HACD2: variants seen among roughly 807,000 people sequenced by gnomAD.
HACD2 encodes the protein 3-hydroxyacyl-CoA dehydratase 2.
HACD2 carries 15 observed loss-of-function variants against 31.0 expected under a neutral mutation model. The ratio of observed to expected loss-of-function variants is 0.48; its 90% confidence interval spans 0.32 to 0.75. The LOEUF (loss-of-function observed/expected upper bound fraction) is 0.75. Among genes scored for constraint, HACD2 ranks in the 30% least tolerant of loss-of-function variants. HACD2 has a pLI of 0.03. For synonymous variants in HACD2, 115 were observed against 122.2 expected (o/e 0.94, Z 0.39); for missense variants, 283 against 313.0 (o/e 0.90, Z 0.72).
intron 3 of HACD2, among the ~76,000 whole-genome samples, chr3:123,551,512 C>T (rs2056620198): frequency 6.6e-6 from 1 of 151,986 alleles, no homozygotes; most frequent in African/African-American, 2.4e-5. Context: ...GTAATCCCAG[C>T]TACTCGGGAG....
chr3:123,569,988 CAAAAAAAAAAAAAAAAAAAAA>C (rs55844728), intron 2 of HACD2, among the ~76,000 whole-genome samples: 55 of 38,708 alleles, frequency 1.4e-3, no homozygotes, highest in East Asian at 6.7e-3. Flanking sequence ...CACTCCATCT[CAAAAAAAAAAAAAAAAAAAAA>C]AAAAAAAAAA....
intron 3 of HACD2, among the ~76,000 whole-genome samples, chr3:123,533,004 A>G (rs2056383083): frequency 6.6e-6 from 1 of 152,192 alleles, no homozygotes; most frequent in Non-Finnish European, 1.5e-5. Flanking sequence ...CTTTCCAATA[A>G]TAAGAATTAT....
At chr3:123,542,727 T>C (rs1297129803) in intron 3 of HACD2, among the ~76,000 whole-genome samples, 4 of 152,250 alleles carry the variant, frequency 2.6e-5, no homozygotes, top group African/African-American at 9.6e-5. Context: ...TCAGGTATTT[T>C]GTAGTAATTT....
intron 3 of HACD2, among the ~76,000 whole-genome samples, chr3:123,535,210 T>C (rs908575666): frequency 2.0e-5 from 3 of 152,182 alleles, no homozygotes; most frequent in African/African-American, 4.8e-5. Context: ...TACCATACTT[T>C]TACTGTGCGT....
At chr3:123,569,627 G>T (rs936595136) in intron 2 of HACD2, among the ~76,000 whole-genome samples, 42 of 152,232 alleles carry the variant, frequency 2.8e-4, no homozygotes, top group African/African-American at 9.9e-4. Flanking sequence ...CTCCTAAAGT[G>T]CTGGGATTAC....
intron 2 of HACD2, among the ~76,000 whole-genome samples, 156 bp from the exon 3 acceptor site, chr3:123,567,936 A>G (rs2056810173): frequency 6.6e-6 from 1 of 152,224 alleles, no homozygotes; most frequent in East Asian, 1.9e-4. Flanking sequence ...CTTGGCTACA[A>G]GCTGTTTAAC....
At chr3:123,535,716 A>G (rs937195001) in intron 3 of HACD2, among the ~76,000 whole-genome samples, 1 of 152,222 alleles carries the variant, frequency 6.6e-6, no homozygotes, top group Non-Finnish European at 1.5e-5. Flanking sequence ...ATCCATGCTG[A>G]GCCTTCCAGG....
At chr3:123,527,294 C>T (rs1005199614) in intron 4 of HACD2, among the ~76,000 whole-genome samples, 2 of 152,164 alleles carry the variant, frequency 1.3e-5, no homozygotes, top group Non-Finnish European at 2.9e-5. Context: ...TTCTGTTACA[C>T]CTGGTCAACC....
At chr3:123,582,570 C>T (rs1233005199) in intron 1 of HACD2, among the ~76,000 whole-genome samples, 2 of 152,058 alleles carry the variant, frequency 1.3e-5, no homozygotes, top group South Asian at 2.1e-4. Flanking sequence ...ATCTGGAGCT[C>T]ATTTTTTTGG....
At chr3:123,516,517 T>A (rs575383155) in intron 4 of HACD2, among the ~76,000 whole-genome samples, 2 of 152,154 alleles carry the variant, frequency 1.3e-5, no homozygotes, top group South Asian at 2.1e-4. Context: ...TACAGGCGTG[T>A]GCCACCATAC....
rs2055813364 is a variant in HACD2, at chr3:123,494,880, A to G, written c.*8T>C. On this transcript the variant is annotated 3_prime_UTR_variant, in exon 7 of 7. Coordinates refer to ENST00000383657, the MANE Select transcript of HACD2 (RefSeq NM_198402.5). ...GTTTGTTTTGGTGGGAGGTGCAGAA[A>G]GCAGGAACTATTCAAATTTCTTGTG... 1 of 1,538,722 alleles carries G rather than the reference A, an allele frequency of 6.5e-7. No homozygotes were observed. Among genetic ancestry groups the G allele is most frequent in the South Asian group, 1.2e-5 (1 of 83,286 alleles).
At chr3:123,558,375 G>A (rs1415201730) in intron 3 of HACD2, among the ~76,000 whole-genome samples, 2 of 152,132 alleles carry the variant, frequency 1.3e-5, no homozygotes, top group Non-Finnish European at 2.9e-5. Context: ...CAAACCCAAC[G>A]ATTGTACAAT....
intron 3 of HACD2, among the ~76,000 whole-genome samples, chr3:123,550,068 AGAGGCT>A (rs763377536): frequency 2.6e-5 from 4 of 152,136 alleles, no homozygotes; most frequent in African/African-American, 4.8e-5. Flanking sequence ...CAACACTTTG[AGAGGCT>A]GAGGCAGGAG....
At chr3:123,581,006 G>A (rs9876069) in intron 2 of HACD2, among the ~76,000 whole-genome samples, 1 of 151,988 alleles carries the variant, frequency 6.6e-6, no homozygotes, top group African/African-American at 2.4e-5. Context: ...ATTTTTAGTA[G>A]AGACGGGGTT....
At chr3:123,581,518 C>T (rs1408745220) in intron 2 of HACD2, among the ~76,000 whole-genome samples, 1 of 152,070 alleles carries the variant, frequency 6.6e-6, no homozygotes, top group Non-Finnish European at 1.5e-5. Flanking sequence ...AGCCCAAGAC[C>T]AACATTCAAA....
In HACD2 at chr3:123,494,767, T is replaced by C. The variant is rs991498477; in HGVS notation, c.*121A>G. The C allele has an allele frequency of 4.1e-6, 3 of 727,784 alleles. No homozygotes were observed. Among genetic ancestry groups the C allele is most frequent in the African/African-American group, 3.6e-5 (2 of 55,380 alleles). 45.1% of individuals were successfully genotyped at this position (727,784 alleles called of 1,614,324 possible). A position where few individuals can be genotyped will look rare whatever the true frequency, so the allele number is the denominator to read the frequency against. The stretch of plus-strand genomic sequence containing the variant: ...CACTGGATTTTTGTTTTAGTTTTGT[T>C]TGAATATTTTAAAAATAGTTCTTAC... On this transcript the variant is annotated 3_prime_UTR_variant, in exon 7 of 7. Transcript: ENST00000383657.
chr3:123,547,286 AAATCAGCC>A (rs1295274754), intron 3 of HACD2, among the ~76,000 whole-genome samples: 1 of 152,232 alleles, frequency 6.6e-6, no homozygotes, highest in Non-Finnish European at 1.5e-5. Flanking sequence ...CCAACTAAGC[AAATCAGCC>A]CCAGATCTAA....
Position 123,494,556 on chromosome 3 carries a change from A to G in HACD2, c.*332T>C, listed in dbSNP as rs2055809505. Reference sequence around the variant, plus strand: ...ATTATTCAGACTGTAACTCTCAAGTACTTAGTGTTACAGGTCTTCATTGAT... The same window carrying G: ...ATTATTCAGACTGTAACTCTCAAGTGCTTAGTGTTACAGGTCTTCATTGAT... On this transcript the variant is annotated 3_prime_UTR_variant, in exon 7 of 7. Coordinates refer to ENST00000383657, the MANE Select transcript of HACD2 (RefSeq NM_198402.5). 2.1e-5 allele frequency: 7 copies of G among 331,254 alleles called. No individual in the cohort carries two copies. The highest frequency in any genetic ancestry group is 3.9e-5 in the Non-Finnish European group (7 of 180,702). 20.5% of individuals were successfully genotyped at this position (331,254 alleles called of 1,614,324 possible).
intron 3 of HACD2, among the ~76,000 whole-genome samples, chr3:123,547,318 T>C (rs140904279): frequency 2.6e-5 from 4 of 152,226 alleles, no homozygotes; most frequent in Non-Finnish European, 2.9e-5. Flanking sequence ...GAAAATGTTA[T>C]ATGAATAAAC....
Sources: gnomAD v4.1 joint callset for allele counts (sites outside exome capture counted in the v4.1 genomes callset) on GRCh38, gnomAD v4.1.1 for gene constraint, MANE v1.5 for transcripts, NCBI Gene and HGNC (gene_info 2026-07-23, HGNC 2026-07-21) for gene names.